ADAMTS19: variants seen among roughly 807,000 people sequenced by gnomAD.
The protein encoded by ADAMTS19 is ADAM metallopeptidase with thrombospondin type 1 motif 19, also known as A disintegrin and metalloproteinase with thrombospondin motifs 19.
A neutral mutation model predicts 153.3 loss-of-function variants in ADAMTS19; 93 were observed. That is an observed-to-expected ratio of 0.61 (90% confidence interval 0.51 to 0.72). ADAMTS19 has a LOEUF of 0.72. ADAMTS19 is among the 30% of genes least tolerant of loss of function. The pLI, the probability that ADAMTS19 is intolerant of heterozygous loss-of-function variation, is 0.00. For missense variants in ADAMTS19, 1,482 were observed against 1,552.1 expected (o/e 0.95, Z 0.76); for synonymous variants, 600 against 556.6 (o/e 1.08, Z -1.10).
chr5:129,482,612 TATC>T (rs1750452983), intron 2 of ADAMTS19, among the ~76,000 whole-genome samples: 1 of 152,230 alleles, frequency 6.6e-6, no homozygotes, highest in Non-Finnish European at 1.5e-5. Context: ...AAAGATGAGT[TATC>T]ATACATGTTT....
chr5:129,619,880 G>C (rs1323230478), intron 8 of ADAMTS19, among the ~76,000 whole-genome samples: 2 of 152,002 alleles, frequency 1.3e-5, no homozygotes, highest in African/African-American at 4.8e-5. Context: ...AAAAATAAAT[G>C]ATGACTTGAA....
intron 19 of ADAMTS19, among the ~76,000 whole-genome samples, chr5:129,697,001 C>T (rs894090450): frequency 6.6e-6 from 1 of 152,062 alleles, no homozygotes; most frequent in Non-Finnish European, 1.5e-5. Flanking sequence ...AAGGGGATTC[C>T]CTATAGAATG....
intron 22 of ADAMTS19, among the ~76,000 whole-genome samples, chr5:129,736,187 C>T (rs1214240187): frequency 6.6e-6 from 1 of 151,850 alleles, no homozygotes; most frequent in Non-Finnish European, 1.5e-5. Flanking sequence ...TTCCTTTCTC[C>T]AACAATTAGT....
chr5:129,558,147 G>GAGC (rs1444079136), intron 7 of ADAMTS19, among the ~76,000 whole-genome samples: 1 of 151,958 alleles, frequency 6.6e-6, no homozygotes, highest in Non-Finnish European at 1.5e-5. Flanking sequence ...TTAAACAGTG[G>GAGC]AGCATTAAAA....
At chr5:129,471,204 T>C (rs1401409111) in intron 2 of ADAMTS19, among the ~76,000 whole-genome samples, 1 of 151,812 alleles carries the variant, frequency 6.6e-6, no homozygotes, top group Non-Finnish European at 1.5e-5. Context: ...TTAAAAAGAA[T>C]CTAAGATAAA....
chr5:129,547,904 G>C (rs1314765262), intron 6 of ADAMTS19, among the ~76,000 whole-genome samples: 1 of 150,774 alleles, frequency 6.6e-6, no homozygotes, highest in Non-Finnish European at 1.5e-5. Context: ...TGACAAACCT[G>C]ACAAAAACAA....
chr5:129,483,273 T>A (rs1750475838), intron 2 of ADAMTS19, among the ~76,000 whole-genome samples: 1 of 152,200 alleles, frequency 6.6e-6, no homozygotes, highest in Non-Finnish European at 1.5e-5. Context: ...GATAAGATAT[T>A]TAATCTCTCT....
At chr5:129,623,307 T>C (rs1212485983) in intron 10 of ADAMTS19, among the ~76,000 whole-genome samples, 5 of 152,166 alleles carry the variant, frequency 3.3e-5, no homozygotes. Flanking sequence ...GTTTAAGCTC[T>C]AGTAACCTTT....
chr5:129,598,250 T>C (rs1750476246), intron 8 of ADAMTS19, among the ~76,000 whole-genome samples: 1 of 152,188 alleles, frequency 6.6e-6, no homozygotes, highest in Non-Finnish European at 1.5e-5. Context: ...ATCTGTACCC[T>C]TTAAATTAGA....
At chr5:129,535,169 C>T (rs922401284) in intron 6 of ADAMTS19, among the ~76,000 whole-genome samples, 9 of 152,148 alleles carry the variant, frequency 5.9e-5, no homozygotes, top group African/African-American at 1.9e-4. Context: ...AAAACCCCAT[C>T]ATCTCAGCCC....
intron 4 of ADAMTS19, 96 bp from the exon 5 acceptor site, chr5:129,527,652 C>G: frequency 2.0e-5 from 5 of 251,822 alleles, no homozygotes; most frequent in East Asian, 1.9e-4. Context: ...AAAAAGATGT[C>G]TCAACTAAAT....
At chr5:129,674,238 A>G (rs1477792675) in intron 16 of ADAMTS19, among the ~76,000 whole-genome samples, 3 of 152,182 alleles carry the variant, frequency 2.0e-5, no homozygotes, top group East Asian at 1.9e-4. Context: ...TCTCAAAAAA[A>G]AAAAAATCAT....
chr5:129,711,801 C>T (rs1356634068), intron 21 of ADAMTS19, among the ~76,000 whole-genome samples: 1 of 152,066 alleles, frequency 6.6e-6, no homozygotes, highest in Non-Finnish European at 1.5e-5. Flanking sequence ...AATCAAATAT[C>T]TTTGCTGTAG....
intron 2 of ADAMTS19, among the ~76,000 whole-genome samples, chr5:129,483,639 T>C (rs940433034): frequency 3.3e-5 from 5 of 152,290 alleles, no homozygotes; most frequent in Non-Finnish European, 5.9e-5. Flanking sequence ...TCAGATATAC[T>C]ACTACATGAA....
At chr5:129,542,961 T>C (rs1752705376) in intron 6 of ADAMTS19, among the ~76,000 whole-genome samples, 1 of 151,940 alleles carries the variant, frequency 6.6e-6, no homozygotes, top group South Asian at 2.1e-4. Flanking sequence ...AAGATTAGTG[T>C]ACCAAGTGCT....
intron 2 of ADAMTS19, among the ~76,000 whole-genome samples, chr5:129,479,910 T>C (rs1308810856): frequency 6.6e-6 from 1 of 152,166 alleles, no homozygotes; most frequent in Non-Finnish European, 1.5e-5. Context: ...ATAGATTTGG[T>C]ACACTCATTT....
intron 6 of ADAMTS19, among the ~76,000 whole-genome samples, chr5:129,548,368 A>G (rs1389305824): frequency 6.6e-6 from 1 of 151,094 alleles, no homozygotes; most frequent in Non-Finnish European, 1.5e-5. Flanking sequence ...TGGGTGAAGG[A>G]TATGAACAGA....
At chr5:129,651,487 A>G (rs1239967948) in intron 13 of ADAMTS19, among the ~76,000 whole-genome samples, 1 of 152,090 alleles carries the variant, frequency 6.6e-6, no homozygotes, top group Non-Finnish European at 1.5e-5. Flanking sequence ...ATAGAATCCT[A>G]TATGGCCAGG....
At chr5:129,523,095 C>T (rs79927567) in intron 3 of ADAMTS19, among the ~76,000 whole-genome samples, 1,958 of 150,004 alleles carry the variant, frequency 0.013, 40 homozygotes, top group African/African-American at 0.045. Context: ...TAAATTAATT[C>T]TGTAAAAATG....
Sources: allele counts gnomAD v4.1 joint callset (sites outside exome capture counted in the v4.1 genomes callset), GRCh38; gene constraint gnomAD v4.1.1; transcripts MANE v1.5; gene names NCBI Gene and HGNC (gene_info 2026-07-23, HGNC 2026-07-21).